LINGO1: variants seen among roughly 807,000 people sequenced by gnomAD.
LINGO1 encodes the protein leucine-rich repeat and immunoglobulin-like domain-containing nogo receptor-interacting protein 1.
Under a neutral mutation model 37.3 loss-of-function variants are expected in LINGO1, and 11 were observed. The ratio of observed to expected loss-of-function variants is 0.29; its 90% CI spans 0.19 to 0.49. The LOEUF (loss-of-function observed/expected upper bound fraction) is 0.49, where lower values mean the gene tolerates loss of function less well. Ranked by LOEUF, LINGO1 falls within the 20% of genes least tolerant of loss-of-function variation. LINGO1 has a pLI of 0.99. For missense variants in LINGO1, 585 were observed against 878.2 expected (o/e 0.67, Z 4.22); for synonymous variants, 387 against 403.0 (o/e 0.96, Z 0.48).
At chr15:77,648,077 G>A (rs1290033133) in intron 3 of LINGO1, 6 of 376,118 alleles carry the variant, frequency 1.6e-5, no homozygotes, top group African/African-American at 1.1e-4. Flanking sequence ...GTGGTAAGTG[G>A]GGAGGACTTT....
chr15:77,792,188 G>C (rs1299437291), intron 2 of LINGO1, among the ~76,000 whole-genome samples: 1 of 152,114 alleles, frequency 6.6e-6, no homozygotes, highest in Non-Finnish European at 1.5e-5. Flanking sequence ...TCCTCGGCTC[G>C]GGCCAAGGCT....
intron 3 of LINGO1, among the ~76,000 whole-genome samples, chr15:77,658,868 G>A (rs939361914): frequency 1.9e-4 from 29 of 152,230 alleles, no homozygotes; most frequent in African/African-American, 7.0e-4. Context: ...GAGGAGCAGG[G>A]GAAAGGGAGG....
At chr15:77,671,891 T>G (rs978110698) in intron 3 of LINGO1, among the ~76,000 whole-genome samples, 2 of 152,134 alleles carry the variant, frequency 1.3e-5, no homozygotes, top group Non-Finnish European at 2.9e-5. Flanking sequence ...GGTCTGTGGG[T>G]GTCAGAGACA....
intron 1 of LINGO1, among the ~76,000 whole-genome samples, chr15:77,817,793 A>G (rs2077060521): frequency 6.6e-6 from 1 of 152,230 alleles, no homozygotes; most frequent in African/African-American, 2.4e-5. Flanking sequence ...CCTAAGACTT[A>G]GAAAACTACC....
At chr15:77,624,041 T>TGGTGTGTGTGTGAGTGC (rs1193826710) in intron 1 of LINGO1, among the ~76,000 whole-genome samples, 1 of 148,770 alleles carries the variant, frequency 6.7e-6, no homozygotes, top group African/African-American at 2.5e-5. Flanking sequence ...TGTGTGAGTG[T>TGGTGTGTGTGTGAGTGC]GGTGTGTGTG....
intron 1 of LINGO1, among the ~76,000 whole-genome samples, chr15:77,779,121 T>G (rs761145778): frequency 1.3e-5 from 2 of 152,106 alleles, no homozygotes; most frequent in African/African-American, 2.4e-5. Context: ...ACACCCCACT[T>G]TACCTAAAAG....
intron 3 of LINGO1, among the ~76,000 whole-genome samples, chr15:77,672,728 A>G (rs1269426023): frequency 6.6e-6 from 1 of 152,192 alleles, no homozygotes; most frequent in African/African-American, 2.4e-5. Flanking sequence ...ACCCTGAAGA[A>G]TTGCAGTGCA....
chr15:77,679,685 C>T (rs1292712608), intron 2 of LINGO1, among the ~76,000 whole-genome samples: 1 of 152,196 alleles, frequency 6.6e-6, no homozygotes, highest in African/African-American at 2.4e-5. Context: ...AGTCAGAACA[C>T]CTGACTAGGT....
intron 3 of LINGO1, among the ~76,000 whole-genome samples, chr15:77,639,980 C>G (rs978939148): frequency 6.6e-6 from 1 of 152,182 alleles, no homozygotes; most frequent in Non-Finnish European, 1.5e-5. Context: ...GCTCAATCCT[C>G]TCAGCAACGC....
chr15:77,777,468 C>T (rs1309020007), intron 1 of LINGO1, among the ~76,000 whole-genome samples: 1,454 of 25,482 alleles, frequency 0.057, 28 homozygotes, highest in African/African-American at 0.17. Context: ...CACACACGCA[C>T]ACACACACAC....
In LINGO1 at chr15:77,756,577, G is replaced by A. The variant is rs546201917; in HGVS notation, c.-256-21524C>T. On this transcript the variant is annotated intron_variant, in intron 1 of 3. Transcript: ENST00000561686. ...ATACATACCATCAAGGGAGGGCCAA[G>A]CCGGGGCTGGGAGCCCAGGCTCAGC... 2.0e-5 allele frequency among the ~76,000 whole-genome samples: 3 copies of A among 152,218 alleles called. No individual in the cohort carries two copies. The East Asian group carries it at 5.8e-4, about 29-fold the overall frequency.
intron 3 of LINGO1, chr15:77,641,915 G>T (rs1192073113): frequency 8.8e-6 from 4 of 456,708 alleles, no homozygotes; most frequent in Non-Finnish European, 1.8e-5. Flanking sequence ...GACACTCAGG[G>T]TGCACATCCC....
chr15:77,761,467 G>A (rs2076476312), intron 1 of LINGO1, among the ~76,000 whole-genome samples: 1 of 152,114 alleles, frequency 6.6e-6, no homozygotes, highest in African/African-American at 2.4e-5. Flanking sequence ...TCATATTTGG[G>A]GACATAACAA....
chr15:77,665,699 C>T (rs555266059), intron 3 of LINGO1, among the ~76,000 whole-genome samples: 4 of 152,350 alleles, frequency 2.6e-5, no homozygotes, highest in Admixed American at 6.5e-5. Context: ...CTGCCCACAC[C>T]GCACCCTCCG....
At position 77,650,212 on chromosome 15, in the gene LINGO1, C is replaced by T. The variant is rs950169774; in HGVS notation, c.-13+26877G>A. 2.4e-4 allele frequency among the ~76,000 whole-genome samples: 36 copies of T among 152,056 alleles called. 1 individual carries two copies. The highest frequency in any genetic ancestry group is 8.8e-5 in the Non-Finnish European group (6 of 68,034). On this transcript the variant is annotated intron_variant, in intron 3 of 3. Transcript: ENST00000559893. Reference sequence around the variant, plus strand: ...ACGGCGTGGTGTGTAAGCCTGTGCACGGCATGTACATGCATGTATGTGTGT... The same window carrying T: ...ACGGCGTGGTGTGTAAGCCTGTGCATGGCATGTACATGCATGTATGTGTGT...
chr15:77,648,028 G>A (rs886787604), intron 3 of LINGO1: 7 of 422,886 alleles, frequency 1.7e-5, no homozygotes, highest in African/African-American at 1.4e-4. Flanking sequence ...GAGACATCCG[G>A]AAAGGAAAGG....
chr15:77,665,205 T>C (rs2075103954), intron 3 of LINGO1, among the ~76,000 whole-genome samples: 1 of 152,170 alleles, frequency 6.6e-6, no homozygotes, highest in Non-Finnish European at 1.5e-5. Context: ...AGGCAAGCCC[T>C]CTCCTCTGCC....
At chr15:77,649,918 A>C (rs761924823) in intron 3 of LINGO1, among the ~76,000 whole-genome samples, 1 of 152,158 alleles carries the variant, frequency 6.6e-6, no homozygotes, top group South Asian at 2.1e-4. Context: ...TGGTTATGGC[A>C]AAACAGAACT....
upstream of LINGO1, chr15:77,787,074 G>A (rs1172912630): frequency 1.3e-5 from 2 of 152,254 alleles, no homozygotes; most frequent in Non-Finnish European, 2.9e-5. Flanking sequence ...AGTCTCCCAG[G>A]AAACCAGCTG....
Sources: allele counts gnomAD v4.1 joint callset (sites outside exome capture counted in the v4.1 genomes callset), GRCh38; gene constraint gnomAD v4.1.1; transcripts MANE v1.5; gene names NCBI Gene and HGNC (gene_info 2026-07-23, HGNC 2026-07-21).